The following FCRL2 variants were observed in gnomAD, a reference collection of about 807,000 sequenced individuals.
FCRL2 encodes Fc receptor like 2, also known as Fc receptor-like protein 2.
FCRL2 carries 48 observed loss-of-function variants against 59.8 expected under a neutral mutation model. The observed-to-expected ratio is 0.80, with a 90% CI of 0.64 to 1.02. The LOEUF (loss-of-function observed/expected upper bound fraction) is 1.02, where lower values mean the gene tolerates loss of function less well. FCRL2 is among the 50% of genes least tolerant of loss of function. The pLI, the probability that FCRL2 is intolerant of heterozygous loss-of-function variation, is 0.00. For synonymous variants in FCRL2, 251 were observed against 229.5 expected, an observed-to-expected ratio of 1.09 and a Z score of -0.85; for missense variants, 658 against 597.3, an observed-to-expected ratio of 1.10 and a Z score of -1.06.
chr1:157,752,203 T>C (rs1648245114), intron 7 of FCRL2, among the ~76,000 whole-genome samples: 1 of 152,226 alleles, frequency 6.6e-6, no homozygotes, highest in Admixed American at 6.5e-5. Flanking sequence ...TCATCTGGAA[T>C]TCCCACATGT....
At position 157,768,590 on chromosome 1, in the gene FCRL2, G is replaced by A. The variant is rs888205600; in HGVS notation, c.707C>T (p.Thr236Ile). 2.3e-5 allele frequency: 37 copies of A among 1,614,092 alleles called. No homozygotes were observed. The highest frequency in any genetic ancestry group is 3.1e-5 in the Non-Finnish European group (36 of 1,180,052). The stretch of plus-strand genomic sequence containing the variant: ...TGTGGCCTCTCTGTACCAGGAGAAT[G>A]TGACATTTCCTGTACCCCCAGCCAC... ...CSVAGGTGNVTFSWYREATGT... is the reference protein window; with the variant it reads ...CSVAGGTGNVIFSWYREATGT... The change falls in exon 5 of 12, where the codon ACA (threonine) becomes ATA (isoleucine). Residue 236 changes from threonine to isoleucine, a missense_variant. Transcript: ENST00000361516.
intron 7 of FCRL2, among the ~76,000 whole-genome samples, chr1:157,761,564 G>A (rs1031608297): frequency 2.6e-5 from 4 of 152,152 alleles, no homozygotes; most frequent in Non-Finnish European, 4.4e-5. Flanking sequence ...AGCCAAGATC[G>A]TGTCACTGCA....
chr1:157,777,104 T>G lies in FCRL2; in HGVS notation c.-31A>C, dbSNP rs748653794. The G allele has an allele frequency of 5.0e-6, 8 of 1,614,144 alleles. No homozygotes were observed. The South Asian group carries it at 7.7e-5, about 16-fold the overall frequency. ...CCTAATCCAGCTATTTGAAAAGAGATGTACTCTTGGTCACCAACTGGAGAC... is the reference window on the plus strand; with the variant it reads ...CCTAATCCAGCTATTTGAAAAGAGAGGTACTCTTGGTCACCAACTGGAGAC... On this transcript the variant is annotated 5_prime_UTR_variant, in exon 1 of 12. Coordinates refer to ENST00000361516, the MANE Select transcript of FCRL2 (RefSeq NM_030764.4).
At chr1:157,766,246 C>T (rs760947712) in intron 7 of FCRL2, among the ~76,000 whole-genome samples, 10 of 152,162 alleles carry the variant, frequency 6.6e-5, no homozygotes, top group Non-Finnish European at 1.5e-4. Flanking sequence ...CCAAGATGGG[C>T]GGATCAAGAG....
intron 2 of FCRL2, among the ~76,000 whole-genome samples, chr1:157,771,234 G>A (rs189411215): frequency 6.6e-6 from 1 of 152,240 alleles, no homozygotes; most frequent in East Asian, 1.9e-4. Flanking sequence ...TGTTCATGAA[G>A]GAGTGTTCTG....
chr1:157,767,241 G>C lies in FCRL2; in HGVS notation c.1152C>G (p.Val384=), dbSNP rs139975936. 475 of 1,612,446 alleles carry C rather than the reference G, an allele frequency of 2.9e-4. No individual in the cohort carries two copies. The highest frequency in any genetic ancestry group is 3.9e-4 in the Non-Finnish European group (465 of 1,179,214). Reference sequence around the variant, plus strand: ...GTAACACCCACCCACCTGAGATGGAGACTGGCACTGCCTCACTGCACTGGG... The same window carrying C: ...GTAACACCCACCCACCTGAGATGGACACTGGCACTGCCTCACTGCACTGGG... The part of the protein sequence containing the change: ...LGAQCSEAVP[V]SISGPDGYRR... The change falls in exon 6 of 12, where the codon GTC becomes GTG. Residue 384 remains valine, a synonymous_variant. Transcript: ENST00000361516.
intron 7 of FCRL2, among the ~76,000 whole-genome samples, chr1:157,761,414 G>A (rs1215221727): frequency 6.6e-6 from 1 of 152,112 alleles, no homozygotes; most frequent in South Asian, 2.1e-4. Context: ...TCAGGAGTTC[G>A]AGACCAGCCT....
chr1:157,756,445 G>T lies in FCRL2; in HGVS notation c.1280-6768C>A, dbSNP rs557817759. On this transcript the variant is annotated intron_variant, in intron 7 of 11. Coordinates refer to ENST00000361516, the MANE Select transcript of FCRL2 (RefSeq NM_030764.4). ...TGCCTATAATCCCAGTGCTTTGGGA[G>T]GCCAAGGTAAGAAGATCGCTTGAGC... 1.4e-4 allele frequency among the ~76,000 whole-genome samples: 21 copies of T among 152,272 alleles called. 1 individual carries two copies. The highest frequency in any genetic ancestry group is 7.4e-5 in the Non-Finnish European group (5 of 68,014).
chr1:157,762,139 C>T (rs1208247295), intron 7 of FCRL2, among the ~76,000 whole-genome samples: 3 of 152,172 alleles, frequency 2.0e-5, no homozygotes, highest in African/African-American at 7.2e-5. Flanking sequence ...TCCACCACGA[C>T]GGCACCTAAC....
chr1:157,768,128 C>G (rs1649668056), intron 5 of FCRL2: 1 of 347,532 alleles, frequency 2.9e-6, no homozygotes, highest in Non-Finnish European at 5.2e-6. Flanking sequence ...ATCCATGACA[C>G]TCCCTGGCCC....
chr1:157,770,252 C>A, intron 3 of FCRL2, 102 bp from the exon 4 acceptor site: 1 of 1,462,084 alleles, frequency 6.8e-7, no homozygotes, highest in Non-Finnish European at 9.3e-7. Context: ...ACATTCAGAG[C>A]TAGACACCTC....
At chr1:157,757,007 C>G (rs1249769593) in intron 7 of FCRL2, among the ~76,000 whole-genome samples, 1 of 152,138 alleles carries the variant, frequency 6.6e-6, no homozygotes. Context: ...TGTGGTACAT[C>G]CATGCAGTAA....
chr1:157,770,467 G>C lies in FCRL2; in HGVS notation c.252C>G (p.Thr84=), dbSNP rs763545387. ...LSDSGNYFCS[T]KGQLFLWDKT... ...TATCCCAGAGAAAGAGTTGTCCTTT[G>C]GTACTACAGAAATAGTTACCACTGT... The change falls in exon 3 of 12, where the codon ACC becomes ACG. Residue 84 remains threonine (T), a synonymous_variant. Transcript: ENST00000361516. 1.2e-6 allele frequency: 2 copies of C among 1,613,890 alleles called. No individual in the cohort carries two copies. The highest frequency in any genetic ancestry group is 1.7e-6 in the Non-Finnish European group (2 of 1,179,810).
chr1:157,769,707 G>T, intron 4 of FCRL2, 159 bp downstream of exon 4: 1 of 739,694 alleles, frequency 1.4e-6, no homozygotes, highest in Middle Eastern at 3.8e-4. Context: ...GATTACAGGC[G>T]TGAGCCACCG....
chr1:157,751,481 G>A (rs1176118669), intron 7 of FCRL2, among the ~76,000 whole-genome samples: 1 of 152,176 alleles, frequency 6.6e-6, no homozygotes, highest in Non-Finnish European at 1.5e-5. Flanking sequence ...GCCCCGTGTG[G>A]ACACATGCCT....
chr1:157,753,709 C>T (rs368979417), intron 7 of FCRL2, among the ~76,000 whole-genome samples: 4 of 152,186 alleles, frequency 2.6e-5, no homozygotes, highest in Admixed American at 2.6e-4. Flanking sequence ...CTCCTGTCCT[C>T]AGAGGTCCAG....
At position 157,749,622 on chromosome 1, in the gene FCRL2, TA is replaced by T. The variant is rs748115778; in HGVS notation, c.1307+27del. On this transcript the variant is annotated intron_variant, in intron 8 of 11. Coordinates refer to ENST00000361516, the MANE Select transcript of FCRL2 (RefSeq NM_030764.4). ...ACTGAATGAAGGAGACCTCTAGAATTAAAATTTTTACTAGGAAGAGTTCTCA... is the reference window on the plus strand; with the variant it reads ...ACTGAATGAAGGAGACCTCTAGAATTAAATTTTTACTAGGAAGAGTTCTCA... 3.8e-6 allele frequency: 6 copies of T among 1,581,432 alleles called. No homozygotes were observed. In the Admixed American group the frequency reaches 5.1e-5, roughly 13 times the overall value.
chr1:157,754,831 C>A (rs967024497), intron 7 of FCRL2, among the ~76,000 whole-genome samples: 3 of 151,662 alleles, frequency 2.0e-5, no homozygotes. Context: ...CCAGTCACGG[C>A]GGTGCATGCC....
chr1:157,758,699 A>C (rs866820491), intron 7 of FCRL2, among the ~76,000 whole-genome samples: 4 of 151,492 alleles, frequency 2.6e-5, no homozygotes, highest in South Asian at 2.1e-4. Context: ...AAAAAAAAAA[A>C]AAACAAAGCT....
Sources: gnomAD v4.1 joint callset for allele counts (sites outside exome capture counted in the v4.1 genomes callset) on GRCh38, gnomAD v4.1.1 for gene constraint, MANE v1.5 for transcripts, NCBI Gene and HGNC (gene_info 2026-07-23, HGNC 2026-07-21) for gene names.